SHANK1: variants seen among roughly 807,000 people sequenced by gnomAD.
SHANK1 encodes the protein SH3 and multiple ankyrin repeat domains 1.
In SHANK1, 35 loss-of-function variants were observed where a neutral mutation model predicts 165.6. The ratio of observed to expected loss-of-function variants is 0.21; its 90% CI spans 0.16 to 0.28. The LOEUF is 0.28. Ranked by LOEUF, SHANK1 falls within the 10% of genes least tolerant of loss-of-function variation. The pLI, the probability that SHANK1 is intolerant of heterozygous loss-of-function variation, is 1.00. For synonymous variants in SHANK1, 1,428 were observed against 1,384.8 expected, an observed-to-expected ratio of 1.03 and a Z score of -0.69; for missense variants, 2,681 against 3,036.4, an observed-to-expected ratio of 0.88 and a Z score of 2.75.
At position 50,713,693 on chromosome 19, in the gene SHANK1, G is replaced by T; in HGVS notation, c.792+105C>A. ...AAGGGGCTTTGAACTGGGGACATGA[G>T]AGGGCCTATTTTTAACTGAAACCAA... On this transcript the variant is annotated intron_variant, in intron 6 of 23. Transcript: ENST00000293441. This position sits in a 1 kb window ranked among gnomAD's most constrained non-coding sequence, Gnocchi z 6.2. The T allele has an allele frequency of 7.0e-7, 1 of 1,422,914 alleles. No individual in the cohort carries two copies. Among genetic ancestry groups the T allele is most frequent in the South Asian group, 1.3e-5 (1 of 79,706 alleles). 88.1% of individuals were successfully genotyped at this position (1,422,914 alleles called of 1,614,324 possible). A position where few individuals can be genotyped will look rare whatever the true frequency, so the allele number is the denominator to read the frequency against.
Position 50,703,571 on chromosome 19 carries a change from AC to A in SHANK1, c.1481del (p.Gly494ValfsTer69). The A allele has an allele frequency of 6.4e-7, 1 of 1,554,880 alleles. No homozygotes were observed. Reference sequence around the variant, plus strand: ...CTCGGGATGGAGAGCGGGCCCTGGCACCCCGGGGGCTGCTGGCACTTCGGAG... The same window carrying A: ...CTCGGGATGGAGAGCGGGCCCTGGCACCCGGGGGCTGCTGGCACTTCGGAG... ...GTLRSASSPR[G>X]ARARSPSRGR... On this transcript the variant is annotated frameshift_variant, in exon 11 of 24. Transcript: ENST00000293441. LOFTEE classifies it high-confidence loss of function.
In SHANK1 at chr19:50,661,589, C is replaced by A. The variant is rs1027944601; in HGVS notation, c.*376G>T. On this transcript the variant is annotated 3_prime_UTR_variant, in exon 24 of 24. Transcript: ENST00000293441. ...AGGTGGTGGAATCCGAGGGCACCCC[C>A]TTCCCCTGCGGCCTGGGGGACAGTC... Among the ~76,000 whole-genome samples the A allele has an allele frequency of 1.3e-5, 2 of 152,016 alleles. No homozygotes were observed. Among genetic ancestry groups the A allele is most frequent in the Non-Finnish European group, 2.9e-5 (2 of 67,978 alleles).
chr19:50,712,346 C>T (rs902474872), intron 6 of SHANK1, among the ~76,000 whole-genome samples: 5 of 152,218 alleles, frequency 3.3e-5, no homozygotes, highest in Non-Finnish European at 5.9e-5. Flanking sequence ...CTCCAGAGGA[C>T]ACTTGCACTC....
chr19:50,681,999 C>G (rs532217350), intron 21 of SHANK1, among the ~76,000 whole-genome samples: 44 of 152,284 alleles, frequency 2.9e-4, no homozygotes, highest in African/African-American at 8.9e-4. Context: ...CTGCCTTGGC[C>G]TCCCAAAGTG....
In SHANK1 at chr19:50,688,866, C is replaced by T. The variant is rs1248861723; in HGVS notation, c.2150G>A (p.Arg717Gln). The change falls in exon 17 of 24, where the codon CGA (arginine) becomes CAA (glutamine). Residue 717 changes from arginine to glutamine, a missense_variant. Around this residue, in one of 10 missense-constraint regions of SHANK1, gnomAD observed 147 missense variants for 256.5 expected, o/e 0.57. Transcript: ENST00000293441. This position sits in a 1 kb window ranked among gnomAD's most constrained non-coding sequence, Gnocchi z 6.7. ...EGGVAWRAGL[R>Q]MGDFLIEVNG... is the part of the protein sequence containing the mutation. Reference sequence around the variant, plus strand: ...GACCTCGATGAGGAAGTCTCCCATTCGCAGTCCAGCTCGCCATGCCACGCC... The same window carrying T: ...GACCTCGATGAGGAAGTCTCCCATTTGCAGTCCAGCTCGCCATGCCACGCC... 2.5e-6 allele frequency: 4 copies of T among 1,601,484 alleles called. No individual in the cohort carries two copies. Among genetic ancestry groups the T allele is most frequent in the Non-Finnish European group, 2.6e-6 (3 of 1,174,074 alleles).
At chr19:50,695,304 C>G (rs1224308425) in intron 15 of SHANK1, among the ~76,000 whole-genome samples, 1 of 147,814 alleles carries the variant, frequency 6.8e-6, no homozygotes, top group Non-Finnish European at 1.5e-5. Flanking sequence ...GCGCGAGGAC[C>G]GCGGACGGCG....
In SHANK1 at chr19:50,667,361, G is replaced by T; in HGVS notation, c.4599C>A (p.Ser1533=). The T allele has an allele frequency of 6.5e-7, 1 of 1,540,680 alleles. No homozygotes were observed. The highest frequency in any genetic ancestry group is 2.3e-5 in the East Asian group (1 of 43,764). Residue 1533 remains serine, a synonymous_variant, in exon 23 of 24, where the codon TCC becomes TCA. Coordinates refer to ENST00000293441, the MANE Select transcript of SHANK1 (RefSeq NM_016148.5). The surrounding 1 kb of genome is among the most constrained non-coding windows in gnomAD (Gnocchi z 5.7). ...PRRSVPPSPT[S]PRASEENGLP... is the part of the protein sequence containing the mutation. ...GCCCGTTCTCTTCGCTGGCCCTCGG[G>T]GAGGTCGGGGAGGGGGGCACGGACC... is the stretch of plus-strand genomic sequence containing the variant.
At chr19:50,683,374 T>C (rs529427164) in intron 21 of SHANK1, among the ~76,000 whole-genome samples, 15 of 152,216 alleles carry the variant, frequency 9.9e-5, no homozygotes, top group Non-Finnish European at 1.9e-4. Context: ...CACATTTCCC[T>C]CAACCAATCA....
At chr19:50,684,312 G>A (rs1475789156) in intron 21 of SHANK1, among the ~76,000 whole-genome samples, 1 of 151,270 alleles carries the variant, frequency 6.6e-6, no homozygotes, top group East Asian at 1.9e-4. Flanking sequence ...TGCAACCCCC[G>A]CCTCGCGGGT....
chr19:50,684,686 G>A (rs1363908406), intron 21 of SHANK1, among the ~76,000 whole-genome samples: 1 of 152,124 alleles, frequency 6.6e-6, no homozygotes, highest in Non-Finnish European at 1.5e-5. Flanking sequence ...AAATATGTAA[G>A]CAGCAAACCA....
In SHANK1 at chr19:50,666,275, T is replaced by G; in HGVS notation, c.5685A>C (p.Arg1895=). The change falls in exon 23 of 24, where the codon CGA becomes CGC. Residue 1895 remains arginine (R), a synonymous_variant. Transcript: ENST00000293441. ...TGTCTCCGCCTCCCCCACTGCCTCC[T>G]CGGGCCCAGGGCAGAGCGCCGCCAG... The part of the protein sequence containing the change: ...SAAGGALPWA[R]GGSGGGGDSH... The G allele has an allele frequency of 6.2e-7, 1 of 1,611,454 alleles. No homozygotes were observed. Among genetic ancestry groups the G allele is most frequent in the Non-Finnish European group, 8.5e-7 (1 of 1,179,230 alleles).
intron 8 of SHANK1, among the ~76,000 whole-genome samples, chr19:50,706,165 A>C (rs2088936282): frequency 2.4e-5 from 1 of 40,822 alleles, no homozygotes; most frequent in Non-Finnish European, 4.5e-5. Context: ...TCTCAAAAAA[A>C]AGGGGGGGTT....
Position 50,702,644 on chromosome 19 carries a change from G to T in SHANK1, c.1570C>A (p.Arg524=). Residue 524 remains arginine, a synonymous_variant, in exon 12 of 24, where the codon CGG becomes AGG. Coordinates refer to ENST00000293441, the MANE Select transcript of SHANK1 (RefSeq NM_016148.5). The surrounding 1 kb of genome is among the most constrained non-coding windows in gnomAD (Gnocchi z 5.3). ...RGRPSSSGTP[R]EGPAGGTGGS... The stretch of plus-strand genomic sequence containing the variant: ...CCCGTGCCCCCGGCTGGCCCTTCCC[G>T]GGGTGTCCCGCTGGAGCTGCGTACA... 1.3e-6 allele frequency: 2 copies of T among 1,573,080 alleles called. No individual in the cohort carries two copies. Among genetic ancestry groups the T allele is most frequent in the East Asian group, 2.3e-5 (1 of 42,888 alleles).
Position 50,662,145 on chromosome 19 carries a change from GT to G in SHANK1, c.6305del (p.Asp2102AlafsTer31). ...AKPLGFWTKF[D>X]VADWLEWLGL... ...CCAGCCACTCCAGCCAATCAGCCAC[GT>G]CGAACTTGGTCCAGAACCCCAGAGG... is the stretch of plus-strand genomic sequence containing the variant. On this transcript the variant is annotated frameshift_variant, in exon 24 of 24. Transcript: ENST00000293441. LOFTEE classifies it high-confidence loss of function. The surrounding 1 kb of genome is among the most constrained non-coding windows in gnomAD (Gnocchi z 7.7). 6.2e-7 allele frequency: 1 copy of G among 1,613,582 alleles called. No individual in the cohort carries two copies. Among genetic ancestry groups the G allele is most frequent in the Admixed American group, 1.7e-5 (1 of 60,012 alleles).
At chr19:50,709,299 T>C (rs1275842940) in intron 8 of SHANK1, among the ~76,000 whole-genome samples, 5 of 151,902 alleles carry the variant, frequency 3.3e-5, no homozygotes, top group East Asian at 2.0e-4. Context: ...CCACCACGCC[T>C]GGCTAACTTT....
chr19:50,683,252 T>C (rs1599851620), intron 21 of SHANK1, among the ~76,000 whole-genome samples: 2 of 152,148 alleles, frequency 1.3e-5, no homozygotes, highest in African/African-American at 4.8e-5. Flanking sequence ...AGGCCAGGGG[T>C]GCTGCTGAAA....
chr19:50,689,225 C>G lies in SHANK1; in HGVS notation c.2019G>C (p.Gly673=). 6.2e-7 allele frequency: 1 copy of G among 1,612,554 alleles called. No homozygotes were observed. Among genetic ancestry groups the G allele is most frequent in the Non-Finnish European group, 8.5e-7 (1 of 1,179,108 alleles). ...TGGCCCCCCGGAGCACGAACCCAAA[C>G]CCCTCACTGTCCTTCTTCTGCAGCA... ...TVLLQKKDSE[G]FGFVLRGAKA... is the part of the protein sequence containing the mutation. Residue 673 remains glycine (G), a synonymous_variant, in exon 16 of 24, where the codon GGG becomes GGC. Coordinates refer to ENST00000293441, the MANE Select transcript of SHANK1 (RefSeq NM_016148.5).
In SHANK1 at chr19:50,696,056, C is replaced by T. The variant is rs1267179323; in HGVS notation, c.1964+1040G>A. Among the ~76,000 whole-genome samples, 3 of 152,096 alleles carry T rather than the reference C, an allele frequency of 2.0e-5. No individual in the cohort carries two copies. In the East Asian group the frequency reaches 5.8e-4, roughly 29 times the overall value. ...GGAGGGGAAGCTGAGACGCACCACA[C>T]ACACAGCAGCACGTGGGAGCCAGCG... On this transcript the variant is annotated intron_variant, in intron 15 of 23. Coordinates refer to ENST00000293441, the MANE Select transcript of SHANK1 (RefSeq NM_016148.5).
rs1366748672 is a variant in SHANK1, at chr19:50,702,528, C to T, written c.1686G>A (p.Val562=). Residue 562 remains valine (V), a synonymous_variant, in exon 12 of 24, where the codon GTG becomes GTA. Transcript: ENST00000293441. This position sits in a 1 kb window ranked among gnomAD's most constrained non-coding sequence, Gnocchi z 5.3. Reference sequence around the variant, plus strand: ...CCTCGGCTTGGGCCTGGTAGGACTTCACAGCCATGAAGGAGCGTCCGGGTA... The same window carrying T: ...CCTCGGCTTGGGCCTGGTAGGACTTTACAGCCATGAAGGAGCGTCCGGGTA... ...SAVPGRSFMA[V]KSYQAQAEGE... The T allele has an allele frequency of 3.1e-6, 5 of 1,613,274 alleles. No individual in the cohort carries two copies. Among genetic ancestry groups the T allele is most frequent in the Non-Finnish European group, 3.4e-6 (4 of 1,179,926 alleles).
Sources: allele counts gnomAD v4.1 joint callset (sites outside exome capture counted in the v4.1 genomes callset), GRCh38; gene constraint gnomAD v4.1.1; regional missense constraint gnomAD v4.1.1; non-coding constraint Gnocchi (gnomAD v3.1); transcripts MANE v1.5; gene names NCBI Gene and HGNC (gene_info 2026-07-23, HGNC 2026-07-21).